Variants in TMEM38A observed in about 807,000 individuals in gnomAD.
The protein encoded by TMEM38A is trimeric intracellular cation channel type A.
TMEM38A carries 17 observed loss-of-function variants against 28.6 expected under a neutral mutation model. The observed-to-expected ratio is 0.60, with a 90% CI of 0.41 to 0.89. TMEM38A has a LOEUF of 0.89. TMEM38A is among the 40% of genes least tolerant of loss of function. TMEM38A has a pLI of 0.00. For missense variants in TMEM38A, 328 were observed against 393.1 expected, an observed-to-expected ratio of 0.83 and a Z score of 1.40; for synonymous variants, 169 against 166.1, an observed-to-expected ratio of 1.02 and a Z score of -0.14.
intron 4 of TMEM38A, among the ~76,000 whole-genome samples, chr19:16,685,049 TGTAA>T (rs1368692038): frequency 0.015 from 2,109 of 136,474 alleles, 73 homozygotes; most frequent in African/African-American, 0.055. Context: ...ACCCTGTCTC[TGTAA>T]ATAAATAAAT....
chr19:16,673,809 G>C (rs965407092), intron 1 of TMEM38A, among the ~76,000 whole-genome samples: 1 of 152,066 alleles, frequency 6.6e-6, no homozygotes, highest in South Asian at 2.1e-4. Context: ...AAATGCGCAG[G>C]CCTGCTGGTG....
At chr19:16,664,754 G>C (rs1230362103) in intron 1 of TMEM38A, among the ~76,000 whole-genome samples, 1 of 151,914 alleles carries the variant, frequency 6.6e-6, no homozygotes, top group Admixed American at 6.6e-5. Flanking sequence ...AGCTCAGAGT[G>C]TGGTCCTCAA....
chr19:16,685,984 G>A (rs2086800041), intron 4 of TMEM38A, among the ~76,000 whole-genome samples: 1 of 152,184 alleles, frequency 6.6e-6, no homozygotes, highest in Admixed American at 6.5e-5. Flanking sequence ...CCAACATGGT[G>A]AAACACTGTC....
intron 1 of TMEM38A, among the ~76,000 whole-genome samples, chr19:16,671,653 C>G (rs1440770909): frequency 6.6e-6 from 1 of 152,176 alleles, no homozygotes; most frequent in East Asian, 1.9e-4. Flanking sequence ...TGGTCTTGAA[C>G]TCCTGAGCTC....
intron 1 of TMEM38A, among the ~76,000 whole-genome samples, chr19:16,670,709 A>C (rs28559995): frequency 0.38 from 58,207 of 151,870 alleles, 16,516 homozygotes; most frequent in African/African-American, 0.8. Flanking sequence ...GAGGCCGAGG[A>C]AGGTGGATCA....
At chr19:16,675,987 CAG>C (rs1390295968) in intron 1 of TMEM38A, among the ~76,000 whole-genome samples, 1 of 152,090 alleles carries the variant, frequency 6.6e-6, no homozygotes, top group African/African-American at 2.4e-5. Flanking sequence ...CTGTCCACAA[CAG>C]ACACTCTTTC....
At chr19:16,680,860 T>A (rs2086779001) in intron 3 of TMEM38A, 1 of 429,004 alleles carries the variant, frequency 2.3e-6, no homozygotes, top group East Asian at 4.4e-5. Flanking sequence ...ACTACTGACA[T>A]GTGGGGCTGG....
intron 1 of TMEM38A, among the ~76,000 whole-genome samples, chr19:16,664,991 T>A (rs994115830): frequency 1.3e-5 from 2 of 150,866 alleles, no homozygotes; most frequent in African/African-American, 4.9e-5. Context: ...TGAAACCCCT[T>A]CTCTATAAAA....
At chr19:16,664,358 A>C (rs564685871) in intron 1 of TMEM38A, among the ~76,000 whole-genome samples, 1 of 152,258 alleles carries the variant, frequency 6.6e-6, no homozygotes, top group East Asian at 1.9e-4. Context: ...CGGAGGTTGC[A>C]GTGAGCCGAA....
At position 16,682,288 on chromosome 19, in the gene TMEM38A, A is replaced by G. The variant is rs544479774; in HGVS notation, c.467-133A>G. 1.2e-4 allele frequency: 86 copies of G among 688,166 alleles called. 1 individual carries two copies. In the Middle Eastern group the frequency reaches 1.8e-3, roughly 14 times the overall value. 42.6% of individuals were successfully genotyped at this position (688,166 alleles called of 1,614,324 possible). A position where few individuals can be genotyped will look rare whatever the true frequency, so the allele number is the denominator to read the frequency against. On this transcript the variant is annotated intron_variant, in intron 3 of 5. Transcript: ENST00000187762. The stretch of plus-strand genomic sequence containing the variant: ...TCAGTTTCCCCACCTGCAGCTGATG[A>G]TCATACACCCCCAGGCTCAGTGTCC...
In TMEM38A at chr19:16,675,090, A is replaced by G. The variant is rs534192520; in HGVS notation, c.125-4894A>G. On this transcript the variant is annotated intron_variant, in intron 1 of 5. Coordinates refer to ENST00000187762, the MANE Select transcript of TMEM38A (RefSeq NM_024074.4). The stretch of plus-strand genomic sequence containing the variant: ...CTGATAAACAACAAATTTATTTCTC[A>G]GAGTTCTGGAGGCTGGAAGTCTGAG... 9.9e-5 allele frequency among the ~76,000 whole-genome samples: 15 copies of G among 152,196 alleles called. 1 individual carries two copies. The highest frequency in any genetic ancestry group is 2.9e-5 in the Non-Finnish European group (2 of 68,036).
At chr19:16,681,753 A>G (rs990833203) in intron 3 of TMEM38A, among the ~76,000 whole-genome samples, 1 of 152,128 alleles carries the variant, frequency 6.6e-6, no homozygotes, top group African/African-American at 2.4e-5. Context: ...CAGCTGTGAC[A>G]ACTCAAAGTG....
At chr19:16,674,072 C>T (rs952855680) in intron 1 of TMEM38A, among the ~76,000 whole-genome samples, 8 of 151,118 alleles carry the variant, frequency 5.3e-5, no homozygotes, top group South Asian at 2.1e-4. Context: ...GGTGACAGAG[C>T]GAGATGCTGT....
intron 4 of TMEM38A, among the ~76,000 whole-genome samples, chr19:16,683,592 CAAA>C (rs558424228): frequency 1.4e-4 from 11 of 80,942 alleles, no homozygotes; most frequent in Non-Finnish European, 1.6e-4. Context: ...GACCTTGTCT[CAAA>C]AAAAAAAAAA....
rs145790999 is a variant in TMEM38A at position 16,683,525 on chromosome 19, C to T, written c.554+1017C>T. ...AGAGGATTACTTGAGCCCAGGAATT[C>T]GAGGCTTCAGTAAGCTAGGATCATG... is the stretch of plus-strand genomic sequence containing the variant. On this transcript the variant is annotated intron_variant, in intron 4 of 5. Transcript: ENST00000187762. Among the ~76,000 whole-genome samples the T allele has an allele frequency of 3.3e-3, 485 of 145,266 alleles. 6 individuals carry two copies. The highest frequency in any genetic ancestry group is 0.012 in the African/African-American group (452 of 38,360).
intron 2 of TMEM38A, 31 bp from the exon 3 acceptor site, chr19:16,680,366 C>T (rs1568316107): frequency 3.7e-6 from 6 of 1,610,806 alleles, no homozygotes; most frequent in Non-Finnish European, 5.1e-6. Context: ...GTCTGCCCAT[C>T]CCCTGGCACT....
chr19:16,662,700 C>A (rs1165635681), intron 1 of TMEM38A, among the ~76,000 whole-genome samples: 1 of 151,938 alleles, frequency 6.6e-6, no homozygotes, highest in Non-Finnish European at 1.5e-5. Flanking sequence ...GATCCACCCA[C>A]CTAGGCCTCC....
At chr19:16,663,027 T>A (rs1448618259) in intron 1 of TMEM38A, among the ~76,000 whole-genome samples, 1 of 151,086 alleles carries the variant, frequency 6.6e-6, no homozygotes, top group Non-Finnish European at 1.5e-5. Flanking sequence ...ACGCCTGTAA[T>A]CCCAGCACTT....
At chr19:16,683,504 G>A (rs1486684366) in intron 4 of TMEM38A, among the ~76,000 whole-genome samples, 2 of 148,360 alleles carry the variant, frequency 1.3e-5, no homozygotes, top group Non-Finnish European at 3.0e-5. Flanking sequence ...GAGGCAAGAG[G>A]ATTACTTGAG....
Sources: gnomAD v4.1 joint callset for allele counts (sites outside exome capture counted in the v4.1 genomes callset) on GRCh38, gnomAD v4.1.1 for gene constraint, MANE v1.5 for transcripts, NCBI Gene and HGNC (gene_info 2026-07-23, HGNC 2026-07-21) for gene names.